LEMD1: variants seen among roughly 807,000 people sequenced by gnomAD.
LEMD1 encodes LEM domain-containing protein 1.
A neutral mutation model predicts 17.4 loss-of-function variants in LEMD1; 18 were observed. That is an observed-to-expected ratio of 1.04 (90% CI 0.72 to 1.54). LEMD1 has a LOEUF of 1.54. LEMD1 is among the 40% of genes most tolerant of loss of function. The pLI is 0.00. For synonymous variants in LEMD1, 88 were observed against 77.8 expected (o/e 1.13, Z -0.69); for missense variants, 195 against 210.4 (o/e 0.93, Z 0.45).
intron 4 of LEMD1, among the ~76,000 whole-genome samples, chr1:205,395,336 T>A (rs1440268490): frequency 6.6e-6 from 1 of 152,196 alleles, no homozygotes; most frequent in Non-Finnish European, 1.5e-5. Context: ...GGCTCATGCC[T>A]GTAATCCCAG....
Position 205,411,723 on chromosome 1 carries a change from GAAAGA to G in LEMD1, c.270+4504_270+4508del, listed in dbSNP as rs148328525. Among the ~76,000 whole-genome samples, 918 of 152,204 alleles carry G rather than the reference GAAAGA, an allele frequency of 6.0e-3. 4 individuals carry two copies. The highest frequency in any genetic ancestry group is 0.027 in the Middle Eastern group (8 of 294). Reference sequence around the variant, plus strand: ...AAAGGAAGAAAGAAAGAAAGAGAAAGAAAGAAAAGAAAAGAAAGACTGATTCTTGG... The same window carrying G: ...AAAGGAAGAAAGAAAGAAAGAGAAAGAAAGAAAAGAAAGACTGATTCTTGG... On this transcript the variant is annotated intron_variant, in intron 4 of 5. Transcript: ENST00000367153.
chr1:205,386,079 G>A (rs962574358), intron 4 of LEMD1: 2 of 152,686 alleles, frequency 1.3e-5, no homozygotes, highest in Admixed American at 6.5e-5. Flanking sequence ...AGAAAGAAGA[G>A]CCTGGGTCTT....
At chr1:205,397,655 T>C (rs1664654297) in intron 4 of LEMD1, among the ~76,000 whole-genome samples, 1 of 152,188 alleles carries the variant, frequency 6.6e-6, no homozygotes, top group Non-Finnish European at 1.5e-5. Flanking sequence ...TAATGCCTAG[T>C]GCTTACGAAG....
chr1:205,404,840 T>C (rs1574969537), intron 4 of LEMD1, among the ~76,000 whole-genome samples: 1 of 152,202 alleles, frequency 6.6e-6, no homozygotes, highest in Non-Finnish European at 1.5e-5. Flanking sequence ...TGGCTGGTAC[T>C]GGTTGTGCCT....
chr1:205,418,436 C>T (rs1244323325), intron 3 of LEMD1, among the ~76,000 whole-genome samples: 1 of 152,298 alleles, frequency 6.6e-6, no homozygotes, highest in Non-Finnish European at 1.5e-5. Context: ...ATTCTGTGAC[C>T]TGAAAGAGAC....
chr1:205,403,041 G>T (rs1179154834), intron 4 of LEMD1, among the ~76,000 whole-genome samples: 1 of 151,886 alleles, frequency 6.6e-6, no homozygotes, highest in Non-Finnish European at 1.5e-5. Flanking sequence ...TTGCAACCCA[G>T]GGATGAAGCC....
At chr1:205,395,128 G>A (rs1034847262) in intron 4 of LEMD1, among the ~76,000 whole-genome samples, 1 of 151,952 alleles carries the variant, frequency 6.6e-6, no homozygotes, top group African/African-American at 2.4e-5. Context: ...TTTGGGCAGA[G>A]GTCAAAAAAA....
At chr1:205,445,956 G>C (rs1391000689) in intron 1 of LEMD1, among the ~76,000 whole-genome samples, 1 of 152,176 alleles carries the variant, frequency 6.6e-6, no homozygotes. Context: ...TACAATAAGA[G>C]AGAGTCATCT....
intron 4 of LEMD1, among the ~76,000 whole-genome samples, chr1:205,384,940 C>T (rs1386407441): frequency 3.3e-5 from 5 of 150,788 alleles, no homozygotes; most frequent in Non-Finnish European, 5.9e-5. Flanking sequence ...GCACCACCTG[C>T]GAGGGAGCAC....
rs1666447881 is a variant in LEMD1 at position 205,448,843 on chromosome 1, G to C, written c.-39+1025C>G. Reference sequence around the variant, plus strand: ...TTAACTCTTTCTAGTCCAGCCACTGGAAGCACAGAGGGCAAAGGAGGGTCT... The same window carrying C: ...TTAACTCTTTCTAGTCCAGCCACTGCAAGCACAGAGGGCAAAGGAGGGTCT... On this transcript the variant is annotated intron_variant, in intron 1 of 3. Transcript: ENST00000367154. This position sits in a 1 kb window ranked among gnomAD's most constrained non-coding sequence, Gnocchi z 4.7. Among the ~76,000 whole-genome samples the C allele has an allele frequency of 6.6e-6, 1 of 152,172 alleles. No homozygotes were observed. The highest frequency in any genetic ancestry group is 2.4e-5 in the African/African-American group (1 of 41,446).
At chr1:205,438,470 G>A (rs755241031) in intron 1 of LEMD1, among the ~76,000 whole-genome samples, 18 of 152,252 alleles carry the variant, frequency 1.2e-4, no homozygotes, top group Non-Finnish European at 1.9e-4. Flanking sequence ...GGCTGCTTTG[G>A]CCTTTCCCTA....
At chr1:205,416,353 G>A in intron 3 of LEMD1, 57 bp from the exon 4 acceptor site, 1 of 1,230,948 alleles carries the variant, frequency 8.1e-7, no homozygotes, top group South Asian at 1.4e-5. Context: ...GCTAGCAAAG[G>A]GAATAAACAT....
chr1:205,403,912 C>T (rs1574968254), intron 4 of LEMD1, among the ~76,000 whole-genome samples: 1 of 151,848 alleles, frequency 6.6e-6, no homozygotes, highest in Non-Finnish European at 1.5e-5. Context: ...TCTTTGTTCT[C>T]GTTGGTTTCA....
At chr1:205,411,692 AAAGAAAAAGG>A (rs1277471939) in intron 4 of LEMD1, among the ~76,000 whole-genome samples, 1 of 151,982 alleles carries the variant, frequency 6.6e-6, no homozygotes, top group Non-Finnish European at 1.5e-5. Flanking sequence ...AGAAAGAAAG[AAAGAAAAAGG>A]AAGAAAGAAA....
rs574537893 is a variant in LEMD1, at chr1:205,408,296, C to G, written c.270+7936G>C. 3.5e-3 allele frequency among the ~76,000 whole-genome samples: 530 copies of G among 151,306 alleles called. 3 individuals carry two copies. The highest frequency in any genetic ancestry group is 0.012 in the African/African-American group (497 of 41,004). ...AGGGGCTTCATGTCTGCAATTTGCT[C>G]TCAAATCATTCAGAAAGAGACAATG... On this transcript the variant is annotated intron_variant, in intron 4 of 5. Transcript: ENST00000367153.
At chr1:205,447,048 C>T (rs2102473994) in intron 1 of LEMD1, among the ~76,000 whole-genome samples, 1 of 152,360 alleles carries the variant, frequency 6.6e-6, no homozygotes, top group Middle Eastern at 3.4e-3. Flanking sequence ...GTGAGAACAA[C>T]CTCCCGTCTG....
chr1:205,401,405 G>A (rs1374213536), intron 4 of LEMD1, among the ~76,000 whole-genome samples: 1 of 152,128 alleles, frequency 6.6e-6, no homozygotes, highest in Non-Finnish European at 1.5e-5. Context: ...GCTGTGAGGT[G>A]GTATCTCATT....
intron 4 of LEMD1, among the ~76,000 whole-genome samples, chr1:205,403,507 C>T (rs908763181): frequency 3.1e-4 from 47 of 152,234 alleles, no homozygotes; most frequent in African/African-American, 1.1e-3. Flanking sequence ...TTGTAGTATT[C>T]TGTGATGGTA....
chr1:205,405,141 T>C (rs1012864401), intron 4 of LEMD1, among the ~76,000 whole-genome samples: 23 of 152,312 alleles, frequency 1.5e-4, no homozygotes, highest in African/African-American at 5.5e-4. Context: ...TAACATTTTT[T>C]CCTTCATTTC....
Sources: gnomAD v4.1 joint callset for allele counts (sites outside exome capture counted in the v4.1 genomes callset) on GRCh38, gnomAD v4.1.1 for gene constraint, Gnocchi (gnomAD v3.1) non-coding constraint, MANE v1.5 for transcripts, NCBI Gene and HGNC (gene_info 2026-07-23, HGNC 2026-07-21) for gene names.